ATF7IP: variants seen among roughly 807,000 people sequenced by gnomAD.
ATF7IP encodes the protein activating transcription factor 7-interacting protein 1.
ATF7IP carries 23 observed loss-of-function variants against 106.4 expected under a neutral mutation model. The ratio of observed to expected loss-of-function variants is 0.22; its 90% CI spans 0.16 to 0.31. ATF7IP has a LOEUF of 0.31. Among genes scored for constraint, ATF7IP ranks in the 10% least tolerant of loss-of-function variants. The pLI is 1.00. For missense variants in ATF7IP, 1,334 were observed against 1,524.3 expected (o/e 0.88, Z 2.08); for synonymous variants, 542 against 539.0 (o/e 1.01, Z -0.08).
chr12:14,449,874 A>T (rs1319123721), intron 6 of ATF7IP, among the ~76,000 whole-genome samples: 1 of 151,952 alleles, frequency 6.6e-6, no homozygotes, highest in Non-Finnish European at 1.5e-5. Flanking sequence ...TTTTTCCAAC[A>T]TTGTTTTGTA....
In ATF7IP at chr12:14,388,427, A is replaced by T. The variant is rs1392311360; in HGVS notation, c.-8+22600A>T. 9.0e-5 allele frequency among the ~76,000 whole-genome samples: 12 copies of T among 132,936 alleles called. No individual in the cohort carries two copies. The South Asian group carries it at 1.2e-3, about 14-fold the overall frequency. The allele number at this position is 132,936 out of a possible 152,430, so 87.2% of individuals were successfully genotyped here. Reference sequence around the variant, plus strand: ...AGTGGTGAAATCTCAGCTCACTGCAACCTCCGCCTCCCAGGTTCAAGTGAT... The same window carrying T: ...AGTGGTGAAATCTCAGCTCACTGCATCCTCCGCCTCCCAGGTTCAAGTGAT... On this transcript the variant is annotated intron_variant, in intron 1 of 14. Transcript: ENST00000261168.
chr12:14,492,258 C>A (rs1473155610), intron 13 of ATF7IP, among the ~76,000 whole-genome samples: 2 of 152,182 alleles, frequency 1.3e-5, no homozygotes, highest in Non-Finnish European at 2.9e-5. Context: ...AACTGGAGGA[C>A]CACAATGATG....
At chr12:14,472,549 A>G (rs1448247641) in intron 10 of ATF7IP, among the ~76,000 whole-genome samples, 5 of 151,966 alleles carry the variant, frequency 3.3e-5, no homozygotes, top group Non-Finnish European at 7.4e-5. Context: ...TCTTTCCTGA[A>G]ACCACCCTGG....
intron 1 of ATF7IP, among the ~76,000 whole-genome samples, chr12:14,403,737 A>G (rs1297710925): frequency 6.6e-6 from 1 of 152,094 alleles, no homozygotes; most frequent in Non-Finnish European, 1.5e-5. Flanking sequence ...TTTATCACTG[A>G]ATTTCCTTGG....
intron 1 of ATF7IP, among the ~76,000 whole-genome samples, chr12:14,413,397 A>G (rs1000861543): frequency 6.6e-6 from 1 of 152,204 alleles, no homozygotes; most frequent in African/African-American, 2.4e-5. Flanking sequence ...TACTGAGTAG[A>G]TAGGTATTAC....
intron 5 of ATF7IP, among the ~76,000 whole-genome samples, chr12:14,441,459 A>G (rs1297087887): frequency 7.0e-6 from 1 of 143,664 alleles, no homozygotes; most frequent in Non-Finnish European, 1.5e-5. Context: ...AGTTGTAAGA[A>G]TTATTTATAT....
intron 13 of ATF7IP, chr12:14,481,930 T>TACATATATGTA (rs1944443828): frequency 2.6e-5 from 4 of 154,814 alleles, no homozygotes; most frequent in African/African-American, 4.8e-5. Context: ...ATACATATGT[T>TACATATATGTA]ACATGCATGT....
chr12:14,454,488 T>C (rs919106509), intron 6 of ATF7IP, among the ~76,000 whole-genome samples: 1 of 152,206 alleles, frequency 6.6e-6, no homozygotes, highest in African/African-American at 2.4e-5. Flanking sequence ...GGCATCTTTC[T>C]TAAACAGTTG....
At chr12:14,384,407 A>G (rs906782584) in intron 1 of ATF7IP, among the ~76,000 whole-genome samples, 1 of 152,168 alleles carries the variant, frequency 6.6e-6, no homozygotes, top group Non-Finnish European at 1.5e-5. Context: ...TTGCTAATAT[A>G]TCTATTAGAC....
chr12:14,497,465 T>C (rs1309931574), intron 14 of ATF7IP, among the ~76,000 whole-genome samples, 189 bp from the exon 15 acceptor site: 1 of 152,180 alleles, frequency 6.6e-6, no homozygotes, highest in Non-Finnish European at 1.5e-5. Flanking sequence ...CTCAGCATCA[T>C]TGTTTGTAGC....
At chr12:14,406,860 A>G (rs996490098) in intron 1 of ATF7IP, among the ~76,000 whole-genome samples, 1 of 151,998 alleles carries the variant, frequency 6.6e-6, no homozygotes. Flanking sequence ...CCAAAGTGCT[A>G]GGATTACAGG....
At chr12:14,476,468 A>G (rs980161428) in intron 11 of ATF7IP, 3 of 151,126 alleles carry the variant, frequency 2.0e-5, no homozygotes, top group African/African-American at 7.3e-5. Flanking sequence ...AGTATGAACA[A>G]TGTGTAGAGG....
At chr12:14,386,263 G>A (rs539939402) in intron 1 of ATF7IP, among the ~76,000 whole-genome samples, 10 of 152,190 alleles carry the variant, frequency 6.6e-5, no homozygotes, top group African/African-American at 2.4e-4. Context: ...TTCTGGAGTA[G>A]AAATGTTTAT....
At chr12:14,398,653 G>A (rs1940000675) in intron 1 of ATF7IP, among the ~76,000 whole-genome samples, 1 of 151,742 alleles carries the variant, frequency 6.6e-6, no homozygotes, top group Non-Finnish European at 1.5e-5. Flanking sequence ...TATTACTTTT[G>A]TGTTCTTCAT....
At chr12:14,391,566 C>A (rs768292131) in intron 1 of ATF7IP, among the ~76,000 whole-genome samples, 1 of 152,082 alleles carries the variant, frequency 6.6e-6, no homozygotes, top group East Asian at 1.9e-4. Context: ...TGAGATGGGT[C>A]GTTGGAAGAA....
intron 5 of ATF7IP, among the ~76,000 whole-genome samples, chr12:14,444,073 G>C (rs1209283796): frequency 2.0e-5 from 3 of 152,092 alleles, no homozygotes; most frequent in Non-Finnish European, 4.4e-5. Flanking sequence ...TCACAGTATA[G>C]TTCAAATTCA....
Position 14,501,574 on chromosome 12 carries a change from C to T in ATF7IP, c.*3501C>T, listed in dbSNP as rs1228431627. The stretch of plus-strand genomic sequence containing the variant: ...CTGGACTCATTTTTAAAAAATATGC[C>T]GAATACTGCATACTGTTTAAGGTAG... On this transcript the variant is annotated 3_prime_UTR_variant, in exon 15 of 15. Coordinates refer to ENST00000261168, the MANE Select transcript of ATF7IP (RefSeq NM_018179.5). The T allele has an allele frequency of 6.6e-6, 1 of 151,964 alleles. No individual in the cohort carries two copies. The highest frequency in any genetic ancestry group is 6.6e-5 in the Admixed American group (1 of 15,240). The allele number at this position is 151,964 out of a possible 1,614,324, so 9.4% of individuals were successfully genotyped here. A position where few individuals can be genotyped will look rare whatever the true frequency, so the allele number is the denominator to read the frequency against.
At chr12:14,390,507 C>G (rs1459448030) in intron 1 of ATF7IP, among the ~76,000 whole-genome samples, 1 of 152,182 alleles carries the variant, frequency 6.6e-6, no homozygotes, top group East Asian at 1.9e-4. Context: ...TAAAGGACAT[C>G]ACTATCAACT....
Position 14,466,547 on chromosome 12 carries a change from TA to T in ATF7IP, c.2820del (p.Ile940MetfsTer46). The T allele has an allele frequency of 6.2e-7, 1 of 1,603,120 alleles. No individual in the cohort carries two copies. The highest frequency in any genetic ancestry group is 8.5e-7 in the Non-Finnish European group (1 of 1,176,692). ...PRIENQTNKTIDASVSKKAAD... is the reference protein window; with the variant it reads ...PRIENQTNKTXDASVSKKAAD... ...TCAGAAAACCAGACAAACAAAACAA[TA>T]GATGCTTCTGTCAGTAAGAAAGCAG... is the stretch of plus-strand genomic sequence containing the variant. On this transcript the variant is annotated frameshift_variant, in exon 10 of 15. Coordinates refer to ENST00000261168, the MANE Select transcript of ATF7IP (RefSeq NM_018179.5). LOFTEE classifies it high-confidence loss of function.
Sources: gnomAD v4.1 joint callset for allele counts (sites outside exome capture counted in the v4.1 genomes callset) on GRCh38, gnomAD v4.1.1 for gene constraint, MANE v1.5 for transcripts, NCBI Gene and HGNC (gene_info 2026-07-23, HGNC 2026-07-21) for gene names.